Variants in TP53BP2 observed in about 807,000 individuals in gnomAD.
TP53BP2 encodes the protein tumor protein p53 binding protein 2.
Under a neutral mutation model 126.2 loss-of-function variants are expected in TP53BP2, and 62 were observed. The observed-to-expected ratio is 0.49, with a 90% CI of 0.40 to 0.61. The LOEUF (loss-of-function observed/expected upper bound fraction) is 0.61, where lower values mean the gene tolerates loss of function less well. Ranked by LOEUF, TP53BP2 falls within the 20% of genes least tolerant of loss-of-function variation. The probability of loss-of-function intolerance (pLI) is 0.00; values close to 1 mark genes in which losing one functional copy is unlikely to be tolerated. For missense variants in TP53BP2, 1,215 were observed against 1,402.8 expected, an observed-to-expected ratio of 0.87 and a Z score of 2.14; for synonymous variants, 485 against 502.9, an observed-to-expected ratio of 0.96 and a Z score of 0.48.
chr1:223,804,296 A>C lies in TP53BP2; in HGVS notation c.527T>G (p.Val176Gly). ...CCTTTTAAGTTTCTCCTGCTCAGCA[A>C]CTTGTTGCTGTTGTCGCTGATCTTG... ...KQQDQRQQQQ[V>G]AEQEKLKRLK... The change falls in exon 6 of 18, where the codon GTT becomes GGT. Residue 176 changes from valine (V) to glycine (G), a missense_variant. By Grantham distance (109) the Val-to-Gly change is moderately radical. Coordinates refer to ENST00000343537, the MANE Select transcript of TP53BP2 (RefSeq NM_001031685.3). 1 of 1,614,018 alleles carries C rather than the reference A, an allele frequency of 6.2e-7. No homozygotes were observed. Among genetic ancestry groups the C allele is most frequent in the African/African-American group, 1.3e-5 (1 of 75,034 alleles).
chr1:223,823,419 C>T (rs1663382865), intron 1 of TP53BP2, among the ~76,000 whole-genome samples: 1 of 152,166 alleles, frequency 6.6e-6, no homozygotes, highest in Non-Finnish European at 1.5e-5. Context: ...ATTCTGCAAC[C>T]AAAGCTGTTA....
chr1:223,785,282 T>C (rs146957120), intron 16 of TP53BP2, among the ~76,000 whole-genome samples: 2 of 152,348 alleles, frequency 1.3e-5, no homozygotes, highest in East Asian at 3.9e-4. Flanking sequence ...CTGTATCAAC[T>C]AATGATATAG....
In TP53BP2 at chr1:223,841,327, CTG is replaced by C. The variant is rs1468926047; in HGVS notation, c.27+4325_27+4326del. On this transcript the variant is annotated intron_variant, in intron 1 of 17. Coordinates refer to ENST00000343537, the MANE Select transcript of TP53BP2 (RefSeq NM_001031685.3). Reference sequence around the variant, plus strand: ...TTATTTGTTTAACAGCCTTTGATAACTGTAATTCTATAAAGATAGGAACCTCT... The same window carrying C: ...TTATTTGTTTAACAGCCTTTGATAACTAATTCTATAAAGATAGGAACCTCT... Among the ~76,000 whole-genome samples the C allele has an allele frequency of 3.9e-5, 6 of 152,134 alleles. No individual in the cohort carries two copies. The East Asian group carries it at 1.2e-3, about 29-fold the overall frequency.
intron 7 of TP53BP2, 127 bp downstream of exon 7, chr1:223,803,144 T>A: frequency 8.4e-7 from 1 of 1,191,670 alleles, no homozygotes; most frequent in African/African-American, 1.5e-5. Flanking sequence ...GGAGTTTGGG[T>A]TCCCCCCACA....
rs1277634764 is a variant in TP53BP2, at chr1:223,798,506, C to T, written c.1657G>A (p.Ala553Thr). Residue 553 changes from alanine (A) to threonine (T), a missense_variant, in exon 12 of 18, where the codon GCA becomes ACA. By Grantham distance (58) the Ala-to-Thr change is moderately conservative. This residue lies in a region of TP53BP2 where 814 missense variants were observed against 853.0 expected (regional missense o/e 0.95). Coordinates refer to ENST00000343537, the MANE Select transcript of TP53BP2 (RefSeq NM_001031685.3). ...AGCAGCACTCTCGGCTGCTGCCCTG[C>T]TGGTTTTGGTTTAGTTCCCATGGAC... ...VPSMGTKPKPAGQQPRVLLSP... is the reference protein window; with the variant it reads ...VPSMGTKPKPTGQQPRVLLSP... The T allele has an allele frequency of 1.2e-6, 2 of 1,614,160 alleles. No individual in the cohort carries two copies. Among genetic ancestry groups the T allele is most frequent in the Admixed American group, 3.3e-5 (2 of 60,014 alleles).
At chr1:223,829,516 T>C (rs915384793) in intron 1 of TP53BP2, among the ~76,000 whole-genome samples, 2 of 152,202 alleles carry the variant, frequency 1.3e-5, no homozygotes, top group Non-Finnish European at 2.9e-5. Flanking sequence ...CTCCTGACAC[T>C]ATATGTTCTT....
chr1:223,845,607 A>T, intron 1 of TP53BP2, 47 bp downstream of exon 1: 1 of 1,526,472 alleles, frequency 6.6e-7, no homozygotes, highest in African/African-American at 1.5e-5. Context: ...CCGGCACGCG[A>T]CCCCGCACAC....
intron 13 of TP53BP2, among the ~76,000 whole-genome samples, chr1:223,795,350 CCACTGTTGTAA>C (rs1380672170): frequency 2.4e-4 from 36 of 152,332 alleles, no homozygotes; most frequent in African/African-American, 8.7e-4. Context: ...TCCAATTTTA[CCACTGTTGTAA>C]GTTTGAGGTT....
At chr1:223,784,091 A>G (rs1661867740) in intron 17 of TP53BP2, 24 bp downstream of exon 17, 1 of 1,610,180 alleles carries the variant, frequency 6.2e-7, no homozygotes, top group Non-Finnish European at 8.5e-7. Flanking sequence ...ATATGAAAAC[A>G]CCGTAAGCGT....
intron 11 of TP53BP2, among the ~76,000 whole-genome samples, chr1:223,799,036 C>T (rs548457271): frequency 6.6e-6 from 1 of 152,202 alleles, no homozygotes; most frequent in Non-Finnish European, 1.5e-5. Flanking sequence ...TGCACCACTG[C>T]GTTCCAGCCT....
intron 16 of TP53BP2, among the ~76,000 whole-genome samples, chr1:223,788,031 T>C (rs768744001): frequency 2.2e-4 from 33 of 152,230 alleles, no homozygotes; most frequent in Non-Finnish European, 4.1e-4. Flanking sequence ...ACCATGCCAC[T>C]GCACTCCAGC....
rs778957392 is a variant in TP53BP2, at chr1:223,806,252, CT to C, written c.474+593del. On this transcript the variant is annotated intron_variant, in intron 5 of 17. Coordinates refer to ENST00000343537, the MANE Select transcript of TP53BP2 (RefSeq NM_001031685.3). ...TTCCTAGAAGCAAAGATGAAGGGCTCTTTCCACCTTTCCTGTCTGGCTGATA... is the reference window on the plus strand; with the variant it reads ...TTCCTAGAAGCAAAGATGAAGGGCTCTTCCACCTTTCCTGTCTGGCTGATA... 3.3e-4 allele frequency among the ~76,000 whole-genome samples: 50 copies of C among 152,134 alleles called. 1 individual carries two copies. The highest frequency in any genetic ancestry group is 2.7e-3 in the Admixed American group (41 of 15,274).
In TP53BP2 at chr1:223,798,674, C is replaced by T; in HGVS notation, c.1489G>A (p.Ala497Thr). 1 of 1,598,998 alleles carries T rather than the reference C, an allele frequency of 6.3e-7. No homozygotes were observed. The highest frequency in any genetic ancestry group is 8.5e-7 in the Non-Finnish European group (1 of 1,172,494). ...SEDILRDAQV[A>T]NKNVAKVPPP... ...GGTACTTTAGCCACATTTTTATTTG[C>T]AACCTATAACACACACATAAAAAGC... Residue 497 changes from alanine to threonine, a missense_variant, in exon 12 of 18, where the codon GCA becomes ACA. Physicochemically the swap from Ala to Thr is moderately conservative, Grantham distance 58 (BLOSUM62 0). Coordinates refer to ENST00000343537, the MANE Select transcript of TP53BP2 (RefSeq NM_001031685.3).
intron 1 of TP53BP2, chr1:223,845,252 T>A (rs1410443665): frequency 1.0e-6 from 1 of 985,330 alleles, no homozygotes; most frequent in South Asian, 4.7e-5. Context: ...CAGTAACGTA[T>A]GTTTCACTCC....
At chr1:223,806,968 A>AT in intron 4 of TP53BP2, 21 bp from the exon 5 acceptor site, 1 of 1,569,728 alleles carries the variant, frequency 6.4e-7, no homozygotes, top group Middle Eastern at 1.7e-4. Context: ...AAACACAAAT[A>AT]AACACAATCC....
At chr1:223,820,690 T>A (rs540990464) in intron 2 of TP53BP2, among the ~76,000 whole-genome samples, 1 of 151,910 alleles carries the variant, frequency 6.6e-6, no homozygotes, top group African/African-American at 2.4e-5. Flanking sequence ...AAGGCAGAAA[T>A]GATGAAAAAT....
chr1:223,783,147 C>T (rs1157166936), intron 17 of TP53BP2, among the ~76,000 whole-genome samples: 2 of 152,208 alleles, frequency 1.3e-5, no homozygotes, highest in Admixed American at 6.5e-5. Flanking sequence ...GAGGCCATGT[C>T]CATCCGACAC....
chr1:223,817,198 T>C (rs1663115864), intron 2 of TP53BP2, among the ~76,000 whole-genome samples: 1 of 135,364 alleles, frequency 7.4e-6, no homozygotes. Context: ...AATTACTGCA[T>C]GTGGAGGAGG....
intron 5 of TP53BP2, among the ~76,000 whole-genome samples, chr1:223,804,609 G>A (rs1662653656): frequency 6.6e-6 from 1 of 152,154 alleles, no homozygotes; most frequent in South Asian, 2.1e-4. Flanking sequence ...TATGCAGCAA[G>A]GATGCAGCAA....
Sources: allele counts gnomAD v4.1 joint callset (sites outside exome capture counted in the v4.1 genomes callset), GRCh38; gene constraint gnomAD v4.1.1; regional missense constraint gnomAD v4.1.1; transcripts MANE v1.5; gene names NCBI Gene and HGNC (gene_info 2026-07-23, HGNC 2026-07-21).